Variants in TRPM7 observed in about 807,000 individuals in gnomAD.
The protein encoded by TRPM7 is transient receptor potential cation channel subfamily M member 7.
A neutral mutation model predicts 229.7 loss-of-function variants in TRPM7; 134 were observed. The ratio of observed to expected loss-of-function variants is 0.58; its 90% CI spans 0.51 to 0.67. The LOEUF is 0.67. Among genes scored for constraint, TRPM7 ranks in the 30% least tolerant of loss-of-function variants. TRPM7 has a pLI of 0.00. For missense variants in TRPM7, 1,901 were observed against 2,210.0 expected, an observed-to-expected ratio of 0.86 and a Z score of 2.80; for synonymous variants, 699 against 715.2, an observed-to-expected ratio of 0.98 and a Z score of 0.36.
intron 1 of TRPM7, among the ~76,000 whole-genome samples, chr15:50,667,119 T>G (rs183733768): frequency 7.2e-5 from 11 of 152,112 alleles, no homozygotes; most frequent in Admixed American, 3.9e-4. Context: ...ACTGCAGCAT[T>G]GATTGGCCGA....
At chr15:50,569,367 A>G (rs1273111024) in intron 38 of TRPM7, among the ~76,000 whole-genome samples, 1 of 152,180 alleles carries the variant, frequency 6.6e-6, no homozygotes, top group Non-Finnish European at 1.5e-5. Context: ...TTCCTGCTTG[A>G]TCAAATAGCC....
At chr15:50,568,414 T>A (rs976333098) in intron 38 of TRPM7, among the ~76,000 whole-genome samples, 2 of 151,814 alleles carry the variant, frequency 1.3e-5, no homozygotes, top group Admixed American at 1.3e-4. Flanking sequence ...AAAAAAGAGT[T>A]AAGTAAGGTT....
intron 4 of TRPM7, among the ~76,000 whole-genome samples, chr15:50,644,797 CAAAAAAAAAAAAAA>C (rs201997665): frequency 6.2e-5 from 4 of 64,820 alleles, no homozygotes; most frequent in Admixed American, 1.5e-4. Context: ...AACTGCGTCT[CAAAAAAAAAAAAAA>C]AAAAAAAAAA....
At chr15:50,679,551 T>TGAGACAGAGTC (rs2062197904) in intron 1 of TRPM7, among the ~76,000 whole-genome samples, 1 of 121,910 alleles carries the variant, frequency 8.2e-6, no homozygotes, top group Non-Finnish European at 1.7e-5. Flanking sequence ...TTTTTTTTTT[T>TGAGACAGAGTC]TTGAGACAGA....
chr15:50,632,203 G>A (rs1009834247), intron 9 of TRPM7, among the ~76,000 whole-genome samples: 1 of 151,866 alleles, frequency 6.6e-6, no homozygotes, highest in Non-Finnish European at 1.5e-5. Context: ...TGAGGTGGGA[G>A]AATCGCTTGC....
intron 29 of TRPM7, 199 bp downstream of exon 29, chr15:50,582,890 G>C: frequency 2.9e-6 from 1 of 348,908 alleles, no homozygotes; most frequent in Non-Finnish European, 5.3e-6. Flanking sequence ...CCTTTATTCT[G>C]CATAAATTTT....
At chr15:50,667,834 T>C (rs892731215) in intron 1 of TRPM7, among the ~76,000 whole-genome samples, 1 of 152,242 alleles carries the variant, frequency 6.6e-6, no homozygotes, top group African/African-American at 2.4e-5. Flanking sequence ...ATTTGGCTTA[T>C]TGACATAAAA....
At chr15:50,613,437 G>A (rs1335274374) in intron 15 of TRPM7, among the ~76,000 whole-genome samples, 1 of 149,490 alleles carries the variant, frequency 6.7e-6, no homozygotes, top group East Asian at 2.0e-4. Context: ...GGGAGGTGGA[G>A]GTTGCAGTGA....
intron 1 of TRPM7, among the ~76,000 whole-genome samples, chr15:50,674,737 T>C (rs1022511482): frequency 6.6e-6 from 1 of 152,190 alleles, no homozygotes; most frequent in Admixed American, 6.5e-5. Context: ...CTCTGAGCTT[T>C]TGTCTGGGAA....
intron 3 of TRPM7, among the ~76,000 whole-genome samples, chr15:50,655,000 C>CAAAAAA (rs35388005): frequency 1.4e-4 from 10 of 69,322 alleles, no homozygotes; most frequent in Admixed American, 1.8e-4. Context: ...CACTCCGTCT[C>CAAAAAA]AAAAAAAAAA....
intron 36 of TRPM7, among the ~76,000 whole-genome samples, chr15:50,571,687 TA>T (rs1279418777): frequency 6.6e-6 from 1 of 151,748 alleles, no homozygotes; most frequent in Non-Finnish European, 1.5e-5. Context: ...TTCACAGAAG[TA>T]GAGAAATAAA....
chr15:50,565,132 C>T (rs1429137750), intron 38 of TRPM7, among the ~76,000 whole-genome samples: 2 of 152,020 alleles, frequency 1.3e-5, no homozygotes, highest in Non-Finnish European at 2.9e-5. Context: ...CAGGCACCCA[C>T]CACCACGCCC....
At chr15:50,611,390 T>G (rs2060058560) in intron 16 of TRPM7, 69 bp from the exon 17 acceptor site, 1 of 1,116,526 alleles carries the variant, frequency 9.0e-7, no homozygotes, top group African/African-American at 1.6e-5. Context: ...TATTCTTATA[T>G]ACATTAATAC....
chr15:50,583,025 GATCTT>G, intron 29 of TRPM7, 59 bp downstream of exon 29: 1 of 1,207,128 alleles, frequency 8.3e-7, no homozygotes, highest in Non-Finnish European at 1.1e-6. Context: ...CCACTTTGTA[GATCTT>G]ATCTAAAAAA....
At chr15:50,575,252 T>A (rs2054077705) in intron 33 of TRPM7, 117 bp from the exon 34 acceptor site, 1 of 807,118 alleles carries the variant, frequency 1.2e-6, no homozygotes, top group East Asian at 2.7e-5. Context: ...TGGACCAAGA[T>A]GTAGTTTTAT....
intron 38 of TRPM7, among the ~76,000 whole-genome samples, chr15:50,567,349 A>G (rs1050798485): frequency 5.9e-5 from 9 of 152,116 alleles, no homozygotes; most frequent in African/African-American, 2.2e-4. Context: ...TGCTTAGTTT[A>G]AAACCATGTG....
At chr15:50,646,261 T>G (rs1418382067) in intron 4 of TRPM7, among the ~76,000 whole-genome samples, 1 of 151,964 alleles carries the variant, frequency 6.6e-6, no homozygotes, top group Non-Finnish European at 1.5e-5. Context: ...CAGAACAATG[T>G]AGAGGTTAAA....
In TRPM7 at chr15:50,586,444, A is replaced by C; in HGVS notation, c.4434T>G (p.Leu1478=). The part of the protein sequence containing the change: ...SENTLKRVSS[L]AGFTDCHRTS... ...TTCTGTGACAGTCAGTAAATCCAGC[A>C]AGAGAACTCACTCGTTTCAAAGTGT... Residue 1478 remains leucine (L), a synonymous_variant, in exon 28 of 39, where the codon CTT becomes CTG. Coordinates refer to ENST00000646667, the MANE Select transcript of TRPM7 (RefSeq NM_017672.6). The C allele has an allele frequency of 6.2e-7, 1 of 1,613,462 alleles. No homozygotes were observed.
At chr15:50,652,897 C>T (rs1002928833) in intron 3 of TRPM7, among the ~76,000 whole-genome samples, 1 of 152,130 alleles carries the variant, frequency 6.6e-6, no homozygotes, top group East Asian at 1.9e-4. Flanking sequence ...CACACTGGCT[C>T]GTGCCTGTAA....
Sources: allele counts gnomAD v4.1 joint callset (sites outside exome capture counted in the v4.1 genomes callset), GRCh38; gene constraint gnomAD v4.1.1; transcripts MANE v1.5; gene names NCBI Gene and HGNC (gene_info 2026-07-23, HGNC 2026-07-21).